ZZEF1: variants seen among roughly 807,000 people sequenced by gnomAD.
The protein encoded by ZZEF1 is zinc finger ZZ-type and EF-hand domain containing 1.
In ZZEF1, 157 loss-of-function variants were observed where a neutral mutation model predicts 342.8. That is an observed-to-expected ratio of 0.46 (90% CI 0.40 to 0.52). ZZEF1 has a LOEUF of 0.52. ZZEF1 is among the 20% of genes least tolerant of loss of function. The pLI is 0.00. For missense variants in ZZEF1, 3,480 were observed against 3,725.6 expected, an observed-to-expected ratio of 0.93 and a Z score of 1.72; for synonymous variants, 1,505 against 1,429.1, an observed-to-expected ratio of 1.05 and a Z score of -1.20.
At chr17:4,067,525 A>G (rs2057424202) in intron 26 of ZZEF1, among the ~76,000 whole-genome samples, 2 of 152,210 alleles carry the variant, frequency 1.3e-5, no homozygotes, top group South Asian at 4.1e-4. Flanking sequence ...AAAAATACTA[A>G]AAGTAAAAAT....
rs71383521 is a variant in ZZEF1, at chr17:4,103,390, ATT to A, written c.1574-977_1574-976del. On this transcript the variant is annotated intron_variant, in intron 8 of 54. Coordinates refer to ENST00000381638, the MANE Select transcript of ZZEF1 (RefSeq NM_015113.4). Reference sequence around the variant, plus strand: ...AGAGCTCATTTCTAAAAAAAAAAAAATTTTTAACTAGCCAGGTGTGGTGACCC... The same window carrying A: ...AGAGCTCATTTCTAAAAAAAAAAAAATTTAACTAGCCAGGTGTGGTGACCC... Among the ~76,000 whole-genome samples, 92 of 151,272 alleles carry A rather than the reference ATT, an allele frequency of 6.1e-4. 1 individual carries two copies. Among genetic ancestry groups the A allele is most frequent in the African/African-American group, 2.1e-3 (85 of 41,162 alleles).
At chr17:4,141,720 GAA>G (rs11295221) in intron 1 of ZZEF1, among the ~76,000 whole-genome samples, 2,192 of 146,518 alleles carry the variant, frequency 0.015, 53 homozygotes, top group African/African-American at 0.051. Flanking sequence ...TTGAAAGAAA[GAA>G]AAAAAAAAAA....
chr17:4,010,287 G>A (rs1331749121), intron 52 of ZZEF1, among the ~76,000 whole-genome samples: 1 of 152,060 alleles, frequency 6.6e-6, no homozygotes, highest in Non-Finnish European at 1.5e-5. Context: ...CCAGGAGTTG[G>A]AGGTTGCAGT....
chr17:4,142,968 A>G lies in ZZEF1; in HGVS notation c.-73T>C. The G allele has an allele frequency of 7.8e-7, 1 of 1,275,776 alleles. No individual in the cohort carries two copies. Among genetic ancestry groups the G allele is most frequent in the Non-Finnish European group, 9.9e-7 (1 of 1,015,074 alleles). 79.0% of individuals were successfully genotyped at this position (1,275,776 alleles called of 1,614,324 possible). On this transcript the variant is annotated 5_prime_UTR_variant, in exon 1 of 55. Transcript: ENST00000381638. ...CCCCGCCTCGACCTGTCAACCTCCG[A>G]CAGCAGCTGGCGGGCGGGGACGCGG...
intron 6 of ZZEF1, among the ~76,000 whole-genome samples, chr17:4,107,797 C>T (rs923396335): frequency 2.0e-5 from 3 of 152,192 alleles, no homozygotes; most frequent in Admixed American, 6.5e-5. Flanking sequence ...GTAATCTCTG[C>T]ACTTTGGGAG....
chr17:4,059,747 T>C (rs1286002721), intron 30 of ZZEF1, among the ~76,000 whole-genome samples: 1 of 152,176 alleles, frequency 6.6e-6, no homozygotes, highest in Non-Finnish European at 1.5e-5. Context: ...CTCCATTCCT[T>C]TTTCCCTCAA....
At chr17:4,136,732 G>C (rs2058755346) in intron 1 of ZZEF1, among the ~76,000 whole-genome samples, 2 of 152,146 alleles carry the variant, frequency 1.3e-5, no homozygotes, top group Non-Finnish European at 2.9e-5. Context: ...GAGTACCAAG[G>C]TCCCAGCTGG....
intron 35 of ZZEF1, among the ~76,000 whole-genome samples, chr17:4,051,264 G>A (rs1040819708): frequency 6.6e-6 from 1 of 152,144 alleles, no homozygotes; most frequent in African/African-American, 2.4e-5. Context: ...AATCCCCAGA[G>A]GTTGTCTGCA....
chr17:4,029,088 T>A (rs1403513778), intron 42 of ZZEF1, among the ~76,000 whole-genome samples: 2 of 152,214 alleles, frequency 1.3e-5, no homozygotes, highest in Admixed American at 6.5e-5. Flanking sequence ...CACAGAAGAC[T>A]TGAATAACAT....
At chr17:4,126,045 T>C (rs1000185651) in intron 1 of ZZEF1, among the ~76,000 whole-genome samples, 2 of 151,546 alleles carry the variant, frequency 1.3e-5, no homozygotes, top group African/African-American at 4.9e-5. Flanking sequence ...GCAAAGATGG[T>C]GAAACCCCGT....
chr17:4,074,033 G>T, intron 24 of ZZEF1, 117 bp downstream of exon 24: 1 of 1,146,958 alleles, frequency 8.7e-7, no homozygotes, highest in Non-Finnish European at 1.2e-6. Context: ...AAAGGAAACT[G>T]AAAAGGCGTA....
chr17:4,137,945 A>T (rs2058779518), intron 1 of ZZEF1, among the ~76,000 whole-genome samples: 4 of 152,250 alleles, frequency 2.6e-5, no homozygotes, highest in African/African-American at 9.6e-5. Context: ...GTCCATACAC[A>T]GGACAAAGGA....
intron 45 of ZZEF1, 69 bp downstream of exon 45, chr17:4,021,060 T>C (rs2056256324): frequency 3.4e-6 from 5 of 1,490,998 alleles, no homozygotes; most frequent in African/African-American, 1.4e-5. Context: ...GGCTAAAACA[T>C]GGCCCGGGCC....
At chr17:4,082,703 T>G (rs1240741885) in intron 16 of ZZEF1, among the ~76,000 whole-genome samples, 199 bp from the exon 17 acceptor site, 1 of 152,140 alleles carries the variant, frequency 6.6e-6, no homozygotes. Context: ...TACAAGGTGG[T>G]AGGTGCACTT....
At chr17:4,066,927 A>G (rs1476973550) in intron 27 of ZZEF1, among the ~76,000 whole-genome samples, 1 of 152,168 alleles carries the variant, frequency 6.6e-6, no homozygotes, top group Non-Finnish European at 1.5e-5. Context: ...AACTCTACGG[A>G]GTTCCACGAA....
At chr17:4,071,035 C>T (rs554348930) in intron 25 of ZZEF1, 111 bp from the exon 26 acceptor site, 422 of 1,280,070 alleles carry the variant, frequency 3.3e-4, no homozygotes, top group Non-Finnish European at 4.0e-4. Flanking sequence ...GAACACTCTC[C>T]GGAAGTTTAA....
intron 26 of ZZEF1, among the ~76,000 whole-genome samples, chr17:4,068,789 C>A (rs2057453452): frequency 6.6e-6 from 1 of 152,130 alleles, no homozygotes; most frequent in African/African-American, 2.4e-5. Context: ...AAAGTTCCTG[C>A]CCTCAAGCAG....
At position 4,009,724 on chromosome 17, in the gene ZZEF1, C is replaced by T. The variant is rs1309421874; in HGVS notation, c.8613G>A (p.Leu2871=). ...DLCDLALLKP[L]WQLFTHMEYG... is the part of the protein sequence containing the mutation. ...ACTCCATGTGGGTAAAGAGCTGCCA[C>T]AGGGGCTTCAACAGCGCAAGGTCAC... Residue 2871 remains leucine, a synonymous_variant, in exon 53 of 55, where the codon CTG becomes CTA. Transcript: ENST00000381638. 1 of 1,614,004 alleles carries T rather than the reference C, an allele frequency of 6.2e-7. No homozygotes were observed. Among genetic ancestry groups the T allele is most frequent in the Admixed American group, 1.7e-5 (1 of 60,002 alleles).
intron 37 of ZZEF1, among the ~76,000 whole-genome samples, chr17:4,048,089 G>T (rs2145145981): frequency 6.6e-6 from 1 of 152,248 alleles, no homozygotes; most frequent in African/African-American, 2.4e-5. Context: ...AGATGCTGAG[G>T]GCTCACAAGA....
Sources: gnomAD v4.1 joint callset for allele counts (sites outside exome capture counted in the v4.1 genomes callset) on GRCh38, gnomAD v4.1.1 for gene constraint, MANE v1.5 for transcripts, NCBI Gene and HGNC (gene_info 2026-07-23, HGNC 2026-07-21) for gene names.